The following DNAH9 variants were observed in gnomAD, a reference collection of about 807,000 sequenced individuals.
The protein encoded by DNAH9 is DNAH9 variant protein.
DNAH9 carries 345 observed loss-of-function variants against 471.6 expected under a neutral mutation model. That is an observed-to-expected ratio of 0.73 (90% confidence interval 0.67 to 0.80). The LOEUF (loss-of-function observed/expected upper bound fraction) is 0.80, where lower values mean the gene tolerates loss of function less well. DNAH9 is among the 30% of genes least tolerant of loss of function. DNAH9 has a pLI of 0.00. For synonymous variants in DNAH9, 2,093 were observed against 2,123.6 expected (o/e 0.99, Z 0.40); for missense variants, 5,407 against 5,609.2 (o/e 0.96, Z 1.15).
At chr17:11,703,873 A>T (rs1252289976) in intron 24 of DNAH9, among the ~76,000 whole-genome samples, 1 of 152,178 alleles carries the variant, frequency 6.6e-6, no homozygotes, top group Non-Finnish European at 1.5e-5. Context: ...AAGCTTGGGA[A>T]AGTTGCTACC....
At position 11,623,562 on chromosome 17, in the gene DNAH9, T is replaced by C. The variant is rs570086256; in HGVS notation, c.1350+3781T>C. ...TCCCCCAGCTCTTGCCTCCTGAGTCTGTGCAGTGGAACACAGGACTATCAG... is the reference window on the plus strand; with the variant it reads ...TCCCCCAGCTCTTGCCTCCTGAGTCCGTGCAGTGGAACACAGGACTATCAG... On this transcript the variant is annotated intron_variant, in intron 6 of 68. Transcript: ENST00000262442. The surrounding 1 kb of genome is among the most constrained non-coding windows in gnomAD (Gnocchi z 4.1). Among the ~76,000 whole-genome samples, 3 of 152,268 alleles carry C rather than the reference T, an allele frequency of 2.0e-5. No individual in the cohort carries two copies. Among genetic ancestry groups the C allele is most frequent in the South Asian group, 4.1e-4 (2 of 4,820 alleles).
chr17:11,801,449 G>A (rs1969456740), intron 43 of DNAH9, among the ~76,000 whole-genome samples: 1 of 152,190 alleles, frequency 6.6e-6, no homozygotes, highest in South Asian at 2.1e-4. Context: ...CAGCACTTTG[G>A]GAGGCCGATG....
chr17:11,676,554 A>AT (rs2074053879), intron 17 of DNAH9, among the ~76,000 whole-genome samples: 1 of 152,066 alleles, frequency 6.6e-6, no homozygotes, highest in Non-Finnish European at 1.5e-5. Flanking sequence ...AAGTGCTGGG[A>AT]TTACAGGCAT....
chr17:11,610,227 A>G (rs1389849240), intron 2 of DNAH9, among the ~76,000 whole-genome samples, 169 bp from the exon 3 acceptor site: 1 of 152,218 alleles, frequency 6.6e-6, no homozygotes, highest in Non-Finnish European at 1.5e-5. Flanking sequence ...TTCGTTGACT[A>G]GTCAACAGAG....
intron 38 of DNAH9, among the ~76,000 whole-genome samples, chr17:11,770,334 G>A (rs901088835): frequency 5.3e-5 from 8 of 152,138 alleles, no homozygotes; most frequent in African/African-American, 4.8e-5. Flanking sequence ...GTCAGCCCGC[G>A]ATGTTGCCTC....
chr17:11,858,440 A>C (rs957745008), intron 50 of DNAH9, among the ~76,000 whole-genome samples: 1 of 152,218 alleles, frequency 6.6e-6, no homozygotes, highest in African/African-American at 2.4e-5. Flanking sequence ...ATTTTAGGTC[A>C]GTCTAAAAAT....
chr17:11,930,021 C>T lies in DNAH9; in HGVS notation c.12033C>T (p.Ser4011=), dbSNP rs770211248. 6.2e-7 allele frequency: 1 copy of T among 1,614,132 alleles called. No individual in the cohort carries two copies. The highest frequency in any genetic ancestry group is 8.5e-7 in the Non-Finnish European group (1 of 1,180,026). Residue 4011 remains serine, a synonymous_variant, in exon 63 of 69, where the codon TCC becomes TCT. Transcript: ENST00000262442. The stretch of plus-strand genomic sequence containing the variant: ...TCCCCCAGGGCATCCTGGAGAACTC[C>T]ATTAAGATCACCAATGAGCCCCCCA... The part of the protein sequence containing the change: ...HIIPQGILEN[S]IKITNEPPTG...
Position 11,859,040 on chromosome 17 carries a change from C to T in DNAH9, c.9933+4612C>T, listed in dbSNP as rs144085914. 6.0e-3 allele frequency among the ~76,000 whole-genome samples: 874 copies of T among 146,714 alleles called. 7 individuals carry two copies. Among genetic ancestry groups the T allele is most frequent in the Non-Finnish European group, 9.0e-3 (605 of 67,128 alleles). On this transcript the variant is annotated intron_variant, in intron 50 of 68. Coordinates refer to ENST00000262442, the MANE Select transcript of DNAH9 (RefSeq NM_001372.4). Reference sequence around the variant, plus strand: ...CAGAGGTTGCAGTGAGCCAAGATTGCGCCATTGCACTCCAGCATGGGCAGC... The same window carrying T: ...CAGAGGTTGCAGTGAGCCAAGATTGTGCCATTGCACTCCAGCATGGGCAGC...
At chr17:11,939,807 C>G (rs953345421) in intron 66 of DNAH9, among the ~76,000 whole-genome samples, 2 of 147,172 alleles carry the variant, frequency 1.4e-5, no homozygotes, top group African/African-American at 5.0e-5. Context: ...ATGTTAGATA[C>G]ATGGATGGAT....
intron 61 of DNAH9, among the ~76,000 whole-genome samples, chr17:11,912,419 T>A (rs1737015354): frequency 6.6e-6 from 1 of 152,226 alleles, no homozygotes. Context: ...GTCTTCATCA[T>A]TAAGTATGAT....
At chr17:11,643,778 T>C (rs551659103) in intron 10 of DNAH9, among the ~76,000 whole-genome samples, 28 of 152,314 alleles carry the variant, frequency 1.8e-4, no homozygotes, top group African/African-American at 6.5e-4. Context: ...CACTCTATGA[T>C]CAATACACTC....
chr17:11,922,595 T>A (rs2151028301), intron 61 of DNAH9, among the ~76,000 whole-genome samples: 1 of 152,324 alleles, frequency 6.6e-6, no homozygotes, highest in East Asian at 1.9e-4. Flanking sequence ...GTCATTCTCT[T>A]AATCCATCTG....
At chr17:11,900,271 G>A (rs1404805529) in intron 59 of DNAH9, among the ~76,000 whole-genome samples, 1 of 151,968 alleles carries the variant, frequency 6.6e-6, no homozygotes, top group Non-Finnish European at 1.5e-5. Flanking sequence ...AAGTGATCAG[G>A]GTGAAACTGG....
chr17:11,657,564 T>A (rs768919428), intron 14 of DNAH9, among the ~76,000 whole-genome samples: 2 of 152,086 alleles, frequency 1.3e-5, no homozygotes, highest in Non-Finnish European at 2.9e-5. Flanking sequence ...GTTGTGTGAT[T>A]TCCCTTTTCT....
chr17:11,687,346 T>C (rs2074258463), intron 19 of DNAH9, among the ~76,000 whole-genome samples: 1 of 152,212 alleles, frequency 6.6e-6, no homozygotes, highest in Non-Finnish European at 1.5e-5. Flanking sequence ...ATAGTATGCA[T>C]AACTGTTATT....
At chr17:11,748,086 C>T (rs1294437932) in intron 32 of DNAH9, among the ~76,000 whole-genome samples, 2 of 137,328 alleles carry the variant, frequency 1.5e-5, no homozygotes, top group African/African-American at 2.7e-5. Flanking sequence ...GGGTGGATCA[C>T]GAGGTCAGGA....
At chr17:11,854,485 C>G in intron 50 of DNAH9, 57 bp downstream of exon 50, 1 of 1,524,902 alleles carries the variant, frequency 6.6e-7, no homozygotes, top group Non-Finnish European at 8.8e-7. Flanking sequence ...AAACAACGCT[C>G]TTCAGACACC....
chr17:11,934,819 G>A (rs1452215456), intron 65 of DNAH9, among the ~76,000 whole-genome samples: 1 of 152,118 alleles, frequency 6.6e-6, no homozygotes, highest in Admixed American at 6.6e-5. Context: ...TAAAGTTTCT[G>A]TGGGTGATTC....
rs2072313033 is a variant in DNAH9 at position 11,598,687 on chromosome 17, T to C, written c.189T>C (p.Asp63=). ...EQLLQAFLGR[D]AAEGPRPLLV... is the part of the protein sequence containing the mutation. ...TGCTCCAGGCCTTCCTGGGCCGCGA[T>C]GCTGCCGAGGGGCCGCGGCCGCTGC... Residue 63 remains aspartate (D), a synonymous_variant, in exon 1 of 69, where the codon GAT becomes GAC. Transcript: ENST00000262442. 7.3e-7 allele frequency: 1 copy of C among 1,368,122 alleles called. No homozygotes were observed. The highest frequency in any genetic ancestry group is 9.4e-7 in the Non-Finnish European group (1 of 1,067,122). 84.7% of individuals were successfully genotyped at this position (1,368,122 alleles called of 1,614,324 possible). A position where few individuals can be genotyped will look rare whatever the true frequency, so the allele number is the denominator to read the frequency against.
Sources: gnomAD v4.1 joint callset for allele counts (sites outside exome capture counted in the v4.1 genomes callset) on GRCh38, gnomAD v4.1.1 for gene constraint, Gnocchi (gnomAD v3.1) non-coding constraint, MANE v1.5 for transcripts, NCBI Gene and HGNC (gene_info 2026-07-23, HGNC 2026-07-21) for gene names.